Variants in ASCC1 observed in about 807,000 individuals in gnomAD.
ASCC1 encodes ASC-1 complex subunit P50.
Under a neutral mutation model 46.6 loss-of-function variants are expected in ASCC1, and 35 were observed. The ratio of observed to expected loss-of-function variants is 0.75; its 90% CI spans 0.57 to 0.99. The LOEUF (loss-of-function observed/expected upper bound fraction) is 0.99. Ranked by LOEUF, ASCC1 falls within the 50% of genes least tolerant of loss-of-function variation. The probability of loss-of-function intolerance (pLI) is 0.00; values close to 1 mark genes in which losing one functional copy is unlikely to be tolerated. For missense variants in ASCC1, 376 were observed against 428.7 expected, an observed-to-expected ratio of 0.88 and a Z score of 1.09; for synonymous variants, 143 against 146.6, an observed-to-expected ratio of 0.98 and a Z score of 0.18.
intron 5 of ASCC1, among the ~76,000 whole-genome samples, chr10:72,179,342 A>G (rs1852265648): frequency 6.6e-6 from 1 of 152,170 alleles, no homozygotes; most frequent in South Asian, 2.1e-4. Context: ...CCAAATTATT[A>G]CCGAATTCCA....
chr10:72,144,508 C>A (rs962254275), intron 7 of ASCC1, among the ~76,000 whole-genome samples: 1 of 151,930 alleles, frequency 6.6e-6, no homozygotes, highest in African/African-American at 2.4e-5. Flanking sequence ...TTCTTCCCAC[C>A]ACCTTACTTC....
intron 5 of ASCC1, among the ~76,000 whole-genome samples, chr10:72,171,339 C>A (rs1025052589): frequency 6.6e-6 from 1 of 152,204 alleles, no homozygotes; most frequent in African/African-American, 2.4e-5. Context: ...CTTCTAGAGG[C>A]TACCTGAATG....
At chr10:72,215,197 G>C (rs1355038737) in intron 1 of ASCC1, among the ~76,000 whole-genome samples, 6 of 152,152 alleles carry the variant, frequency 3.9e-5, no homozygotes, top group Non-Finnish European at 5.9e-5. Flanking sequence ...CCAGGAGTTC[G>C]AGACCAGCCA....
intron 3 of ASCC1, among the ~76,000 whole-genome samples, chr10:72,206,611 T>C (rs1256201133): frequency 6.6e-6 from 1 of 152,084 alleles, no homozygotes; most frequent in Non-Finnish European, 1.5e-5. Context: ...AGTAATAACT[T>C]AAGCCTACCT....
intron 1 of ASCC1, among the ~76,000 whole-genome samples, chr10:72,214,655 G>A (rs1044247354): frequency 6.6e-6 from 1 of 151,924 alleles, no homozygotes; most frequent in Admixed American, 6.6e-5. Context: ...GGGATTACAG[G>A]CGTGAGCCAC....
At chr10:72,150,605 C>T (rs1201324220) in intron 7 of ASCC1, among the ~76,000 whole-genome samples, 4 of 152,094 alleles carry the variant, frequency 2.6e-5, no homozygotes, top group Non-Finnish European at 4.4e-5. Context: ...GACTGAGAAT[C>T]GCTGGGAGGG....
At chr10:72,206,533 C>T (rs1361370000) in intron 3 of ASCC1, among the ~76,000 whole-genome samples, 2 of 152,222 alleles carry the variant, frequency 1.3e-5, no homozygotes, top group Non-Finnish European at 2.9e-5. Flanking sequence ...GAGCTCCATA[C>T]AGTCCATGCT....
chr10:72,120,040 T>C (rs1442139976), intron 9 of ASCC1, among the ~76,000 whole-genome samples: 2 of 152,064 alleles, frequency 1.3e-5, no homozygotes, highest in Non-Finnish European at 2.9e-5. Flanking sequence ...AGTTTAAGAC[T>C]GGCCTGGCCA....
intron 5 of ASCC1, among the ~76,000 whole-genome samples, chr10:72,186,153 G>A (rs540732613): frequency 6.6e-5 from 10 of 151,128 alleles, no homozygotes; most frequent in African/African-American, 2.4e-4. Context: ...AAATATAAAA[G>A]AATATAACTG....
At chr10:72,147,586 C>T (rs1015052889) in intron 7 of ASCC1, among the ~76,000 whole-genome samples, 1 of 152,124 alleles carries the variant, frequency 6.6e-6, no homozygotes, top group East Asian at 1.9e-4. Context: ...ATTTTCCACT[C>T]TAAGAATTGG....
chr10:72,136,903 C>A (rs995555939), intron 7 of ASCC1, among the ~76,000 whole-genome samples: 3 of 151,874 alleles, frequency 2.0e-5, no homozygotes, highest in Middle Eastern at 3.4e-3. Context: ...ACGAACCCAC[C>A]GGCAGGAAGA....
chr10:72,123,696 A>T (rs1430243547), intron 9 of ASCC1, among the ~76,000 whole-genome samples: 1 of 152,208 alleles, frequency 6.6e-6, no homozygotes, highest in African/African-American at 2.4e-5. Flanking sequence ...TATCTTTTCA[A>T]CACTCTTCTA....
chr10:72,159,320 G>T (rs1274203741), intron 6 of ASCC1: 1 of 152,102 alleles, frequency 6.6e-6, no homozygotes, highest in Non-Finnish European at 1.5e-5. Flanking sequence ...GCTGAGATTT[G>T]GCATTTAGTC....
At chr10:72,115,680 G>C (rs1240959340) in intron 9 of ASCC1, among the ~76,000 whole-genome samples, 1 of 152,182 alleles carries the variant, frequency 6.6e-6, no homozygotes, top group Non-Finnish European at 1.5e-5. Flanking sequence ...TGAACAAACA[G>C]GGGCTATCAA....
intron 7 of ASCC1, among the ~76,000 whole-genome samples, chr10:72,147,263 AT>A (rs1564645919): frequency 6.6e-6 from 1 of 151,380 alleles, no homozygotes; most frequent in South Asian, 2.1e-4. Context: ...AACACCTTTT[AT>A]TTTTTTTGTG....
chr10:72,107,501 C>G (rs976715876), intron 9 of ASCC1, among the ~76,000 whole-genome samples: 3 of 151,562 alleles, frequency 2.0e-5, no homozygotes, highest in Admixed American at 2.0e-4. Context: ...CATCCGGGGT[C>G]AAAAAAAACC....
At chr10:72,184,075 C>T (rs1207583814) in intron 5 of ASCC1, among the ~76,000 whole-genome samples, 2 of 151,372 alleles carry the variant, frequency 1.3e-5, no homozygotes, top group South Asian at 2.1e-4. Flanking sequence ...ACCGGGGAGG[C>T]GGAGGTTGCA....
intron 5 of ASCC1, among the ~76,000 whole-genome samples, chr10:72,186,785 A>G (rs1356309364): frequency 6.6e-6 from 1 of 152,154 alleles, no homozygotes; most frequent in Non-Finnish European, 1.5e-5. Flanking sequence ...CCCTGAAAGC[A>G]GGAAGGAAGT....
chr10:72,213,599 C>CT (rs1858516523), intron 1 of ASCC1, among the ~76,000 whole-genome samples: 2 of 142,726 alleles, frequency 1.4e-5, no homozygotes, highest in South Asian at 4.6e-4. Flanking sequence ...GGCATACACT[C>CT]TTAAAAAAAA....
Sources: gnomAD v4.1 joint callset for allele counts (sites outside exome capture counted in the v4.1 genomes callset) on GRCh38, gnomAD v4.1.1 for gene constraint, MANE v1.5 for transcripts, NCBI Gene and HGNC (gene_info 2026-07-23, HGNC 2026-07-21) for gene names.